The following HOOK3 variants were observed in gnomAD, a reference collection of about 807,000 sequenced individuals.
HOOK3 encodes protein Hook homolog 3.
HOOK3 carries 24 observed loss-of-function variants against 116.3 expected under a neutral mutation model. That is an observed-to-expected ratio of 0.21 (90% CI 0.15 to 0.29). The LOEUF is 0.29. Among genes scored for constraint, HOOK3 ranks in the 10% least tolerant of loss-of-function variants. The pLI is 1.00. For synonymous variants in HOOK3, 275 were observed against 283.0 expected (o/e 0.97, Z 0.28); for missense variants, 632 against 830.2 (o/e 0.76, Z 2.93).
intron 17 of HOOK3, among the ~76,000 whole-genome samples, chr8:43,006,430 T>C (rs1377387589): frequency 6.6e-6 from 1 of 151,916 alleles, no homozygotes; most frequent in African/African-American, 2.4e-5. Flanking sequence ...TTCTCCCACC[T>C]TAGCCTCCCG....
chr8:43,005,848 C>T (rs911214629), intron 17 of HOOK3, among the ~76,000 whole-genome samples: 7 of 149,916 alleles, frequency 4.7e-5, no homozygotes, highest in Non-Finnish European at 1.0e-4. Flanking sequence ...GGCCCCCCCC[C>T]ACCACACCCA....
intron 2 of HOOK3, among the ~76,000 whole-genome samples, chr8:42,922,633 T>C (rs1807678786): frequency 6.6e-6 from 1 of 151,890 alleles, no homozygotes; most frequent in Admixed American, 6.6e-5. Context: ...GCATAGTGGC[T>C]CAAGCCTCTA....
chr8:42,997,503 C>T (rs1224733248), intron 15 of HOOK3, 47 bp from the exon 16 acceptor site: 1 of 1,138,028 alleles, frequency 8.8e-7, no homozygotes, highest in Admixed American at 2.0e-5. Context: ...GGAAAAAAGG[C>T]ATACGTAACT....
In HOOK3 at chr8:43,013,122, C is replaced by T. The variant is rs768407047; in HGVS notation, c.1911C>T (p.Leu637=). Residue 637 remains leucine (L), a synonymous_variant, in exon 20 of 22, where the codon CTC becomes CTT. Transcript: ENST00000307602. ...APEIQALKNQ[L]QERDRLFHSL... Reference sequence around the variant, plus strand: ...AAATACAAGCTCTTAAAAATCAGCTCCAGGAACGAGACCGACTGTTCCACT... The same window carrying T: ...AAATACAAGCTCTTAAAAATCAGCTTCAGGAACGAGACCGACTGTTCCACT... 12 of 1,612,688 alleles carry T rather than the reference C, an allele frequency of 7.4e-6. No individual in the cohort carries two copies. In the South Asian group the frequency reaches 1.3e-4, roughly 18 times the overall value.
At chr8:42,958,468 A>C (rs1279749606) in intron 7 of HOOK3, among the ~76,000 whole-genome samples, 1 of 152,148 alleles carries the variant, frequency 6.6e-6, no homozygotes, top group Non-Finnish European at 1.5e-5. Context: ...GAGAGTAAAC[A>C]AATTTTTTAA....
intron 17 of HOOK3, among the ~76,000 whole-genome samples, chr8:43,007,220 G>A (rs1809510198): frequency 1.3e-5 from 2 of 151,946 alleles, no homozygotes; most frequent in Admixed American, 1.3e-4. Context: ...GTTTTGCCAT[G>A]TTGGCCAGGC....
intron 21 of HOOK3, among the ~76,000 whole-genome samples, chr8:43,014,070 G>A (rs1809661595): frequency 1.3e-5 from 2 of 151,966 alleles, no homozygotes; most frequent in Admixed American, 1.3e-4. Flanking sequence ...GGCGGATCAC[G>A]AGGTCAGAAG....
At chr8:42,950,562 GTTTTTACTTTGCATTTATGAT>G (rs1276618957) in intron 6 of HOOK3, 107 bp downstream of exon 6, 1 of 622,978 alleles carries the variant, frequency 1.6e-6, no homozygotes, top group Non-Finnish European at 2.8e-6. Context: ...TTTTTAAAGA[GTTTTTACTTTGCATTTATGAT>G]ATAGCTTTTC....
intron 11 of HOOK3, among the ~76,000 whole-genome samples, chr8:42,968,447 A>G (rs888822458): frequency 1.3e-5 from 2 of 152,146 alleles, no homozygotes; most frequent in African/African-American, 4.8e-5. Flanking sequence ...CTTCTGCCCC[A>G]GCCTCCTGAG....
rs933436559 is a variant in HOOK3 at position 43,029,060 on chromosome 8, T to C, written c.*10562T>C. 1 of 187,116 alleles carries C rather than the reference T, an allele frequency of 5.3e-6. No individual in the cohort carries two copies. Among genetic ancestry groups the C allele is most frequent in the Non-Finnish European group, 1.1e-5 (1 of 88,612 alleles). 11.6% of individuals were successfully genotyped at this position (187,116 alleles called of 1,614,324 possible). A position where few individuals can be genotyped will look rare whatever the true frequency, so the allele number is the denominator to read the frequency against. ...TTTTCAATATGCTTGAAATAAGAAA[T>C]AGCATTTTACTCTAAATACAAGAAA... On this transcript the variant is annotated 3_prime_UTR_variant, in exon 22 of 22. Transcript: ENST00000307602.
chr8:42,919,188 G>A (rs543061372), intron 2 of HOOK3, among the ~76,000 whole-genome samples: 11 of 151,696 alleles, frequency 7.3e-5, no homozygotes, highest in Middle Eastern at 3.4e-3. Context: ...CTTCACAGAC[G>A]GGCGGCTGCT....
At chr8:42,908,431 A>G (rs1379464723) in intron 2 of HOOK3, among the ~76,000 whole-genome samples, 1 of 152,254 alleles carries the variant, frequency 6.6e-6, no homozygotes, top group African/African-American at 2.4e-5. Context: ...AGCTGTGGTA[A>G]TTAAAACACA....
intron 3 of HOOK3, among the ~76,000 whole-genome samples, chr8:42,925,840 G>T (rs1210008680): frequency 2.0e-5 from 3 of 152,186 alleles, no homozygotes; most frequent in African/African-American, 7.2e-5. Flanking sequence ...AGGGCATGGA[G>T]CCAGTGTGCC....
intron 11 of HOOK3, among the ~76,000 whole-genome samples, chr8:42,970,209 C>T (rs1438113173): frequency 7.2e-5 from 11 of 152,204 alleles, no homozygotes; most frequent in African/African-American, 1.2e-4. Flanking sequence ...CAATGACCTG[C>T]AATTCTACCT....
At chr8:42,952,852 T>G (rs1808366446) in intron 6 of HOOK3, among the ~76,000 whole-genome samples, 1 of 152,160 alleles carries the variant, frequency 6.6e-6, no homozygotes, top group Non-Finnish European at 1.5e-5. Context: ...ATGAGTTTAA[T>G]TTGCTCTCAA....
At chr8:42,951,823 C>G (rs1808349820) in intron 6 of HOOK3, among the ~76,000 whole-genome samples, 2 of 151,964 alleles carry the variant, frequency 1.3e-5, no homozygotes, top group African/African-American at 4.8e-5. Context: ...TGCCTGTAGT[C>G]CCAGCTTCTC....
chr8:42,950,839 C>G (rs981763169), intron 6 of HOOK3, among the ~76,000 whole-genome samples: 1 of 152,018 alleles, frequency 6.6e-6, no homozygotes, highest in Admixed American at 6.6e-5. Context: ...GTGTGTGCCA[C>G]CATGCCCAGC....
intron 13 of HOOK3, among the ~76,000 whole-genome samples, chr8:42,978,513 C>T (rs140484589): frequency 1.3e-5 from 2 of 151,566 alleles, no homozygotes; most frequent in African/African-American, 2.4e-5. Flanking sequence ...CGGTTTCAAG[C>T]GATTCTCCTG....
In HOOK3 at chr8:42,921,876, AAGTC is replaced by A. The variant is rs1053072826; in HGVS notation, c.144-3678_144-3675del. Among the ~76,000 whole-genome samples the A allele has an allele frequency of 8.9e-4, 135 of 152,262 alleles. 1 individual carries two copies. Among genetic ancestry groups the A allele is most frequent in the African/African-American group, 3.1e-3 (129 of 41,556 alleles). On this transcript the variant is annotated intron_variant, in intron 2 of 21. Transcript: ENST00000307602. ...GATGGATAGAAAGAAAGAAAGATGAAAGTCAGAGAGTATTGTCCAGTACTTGGTG... is the reference window on the plus strand; with the variant it reads ...GATGGATAGAAAGAAAGAAAGATGAAAGAGAGTATTGTCCAGTACTTGGTG...
Sources: gnomAD v4.1 joint callset for allele counts (sites outside exome capture counted in the v4.1 genomes callset) on GRCh38, gnomAD v4.1.1 for gene constraint, MANE v1.5 for transcripts, NCBI Gene and HGNC (gene_info 2026-07-23, HGNC 2026-07-21) for gene names.